Variants in TUSC3 observed in about 807,000 individuals in gnomAD.
TUSC3 encodes dolichyl-diphosphooligosaccharide--protein glycosyltransferase subunit TUSC3.
TUSC3 carries 45 observed loss-of-function variants against 44.8 expected under a neutral mutation model. The ratio of observed to expected loss-of-function variants is 1.00; its 90% CI spans 0.79 to 1.29. The LOEUF (loss-of-function observed/expected upper bound fraction) is 1.29, where lower values mean the gene tolerates loss of function less well. Ranked by LOEUF, TUSC3 falls within the 50% of genes most tolerant of loss-of-function variation. The pLI is 0.00. For missense variants in TUSC3, 519 were observed against 437.9 expected (o/e 1.19, Z -1.65); for synonymous variants, 212 against 152.9 (o/e 1.39, Z -2.85).
chr8:15,569,653 C>G (rs986163310), intron 1 of TUSC3, among the ~76,000 whole-genome samples: 2 of 152,126 alleles, frequency 1.3e-5, no homozygotes, highest in African/African-American at 4.8e-5. Context: ...CTGGGACTTT[C>G]CCTGGGCTAA....
At chr8:15,642,959 T>C (rs1443726466) in intron 2 of TUSC3, among the ~76,000 whole-genome samples, 1 of 152,208 alleles carries the variant, frequency 6.6e-6, no homozygotes, top group African/African-American at 2.4e-5. Context: ...TCATATGTAG[T>C]AGGTAAATGA....
At chr8:15,719,146 C>G (rs902273223) in intron 6 of TUSC3, among the ~76,000 whole-genome samples, 3 of 152,192 alleles carry the variant, frequency 2.0e-5, no homozygotes, top group Middle Eastern at 3.4e-3. Flanking sequence ...TCATGTCACT[C>G]TTCTTACAGT....
intron 1 of TUSC3, among the ~76,000 whole-genome samples, chr8:15,574,779 C>T (rs1803025999): frequency 6.6e-6 from 1 of 152,038 alleles, no homozygotes; most frequent in Non-Finnish European, 1.5e-5. Flanking sequence ...TTATTTTAAG[C>T]TAGATGTTAC....
At chr8:15,542,306 G>C (rs896286417) in intron 1 of TUSC3, among the ~76,000 whole-genome samples, 5 of 152,204 alleles carry the variant, frequency 3.3e-5, no homozygotes, top group African/African-American at 7.2e-5. Context: ...GAAGCCTCCA[G>C]GTGGCAGACT....
intron 1 of TUSC3, among the ~76,000 whole-genome samples, chr8:15,551,947 C>T (rs984005302): frequency 6.6e-5 from 10 of 151,456 alleles, no homozygotes; most frequent in Admixed American, 5.3e-4. Flanking sequence ...TAGATGATTC[C>T]AGGGAACTTT....
intron 1 of TUSC3, among the ~76,000 whole-genome samples, chr8:15,576,433 T>TA (rs1212023425): frequency 2.0e-5 from 3 of 148,308 alleles, no homozygotes; most frequent in African/African-American, 5.0e-5. Context: ...TAGCATTAGG[T>TA]ATATCTCCCA....
chr8:15,603,261 T>A (rs946395045), intron 1 of TUSC3, among the ~76,000 whole-genome samples: 13 of 151,724 alleles, frequency 8.6e-5, no homozygotes, highest in Non-Finnish European at 3.0e-5. Context: ...AAACAATATA[T>A]GTATAATGTC....
chr8:15,819,447 G>C, the TUSC3 span, among the ~76,000 whole-genome samples: 2 of 151,994 alleles, frequency 1.3e-5, no homozygotes, highest in African/African-American at 2.4e-5. Context: ...CCTCTATGCA[G>C]ATCATTCCTA....
At chr8:15,583,615 T>C (rs185466152) in intron 1 of TUSC3, among the ~76,000 whole-genome samples, 1 of 152,310 alleles carries the variant, frequency 6.6e-6, no homozygotes, top group Non-Finnish European at 1.5e-5. Flanking sequence ...TGAAATATCA[T>C]TGTTTTGAAG....
At chr8:15,446,088 G>A (rs141923264) in intron 1 of TUSC3, among the ~76,000 whole-genome samples, 76,753 of 150,196 alleles carry the variant, frequency 0.51, 23,088 homozygotes, top group East Asian at 0.69. Flanking sequence ...CCTCCCAGAC[G>A]GGGTGGCGGT....
chr8:15,657,064 C>G (rs919006943), intron 3 of TUSC3, among the ~76,000 whole-genome samples: 2 of 152,148 alleles, frequency 1.3e-5, no homozygotes, highest in African/African-American at 4.8e-5. Flanking sequence ...AGGTTTTCCC[C>G]CAAAGAGCTC....
chr8:15,515,861 G>T (rs1483302548), intron 2 of TUSC3, among the ~76,000 whole-genome samples: 1 of 151,868 alleles, frequency 6.6e-6, no homozygotes, highest in Non-Finnish European at 1.5e-5. Context: ...AGTAGAAACG[G>T]AGTTTCACCA....
At chr8:15,575,067 G>A (rs1054667496) in intron 1 of TUSC3, among the ~76,000 whole-genome samples, 6 of 151,880 alleles carry the variant, frequency 4.0e-5, no homozygotes, top group African/African-American at 4.8e-5. Context: ...AAACTTATCC[G>A]TAGCAATTAA....
the TUSC3 span, among the ~76,000 whole-genome samples, chr8:15,777,909 T>A: frequency 1.3e-5 from 2 of 152,078 alleles, no homozygotes; most frequent in Non-Finnish European, 2.9e-5. Flanking sequence ...TTAGTTTAAC[T>A]TCGTTGTAGA....
intron 1 of TUSC3, among the ~76,000 whole-genome samples, chr8:15,566,294 G>A (rs889050406): frequency 2.0e-5 from 3 of 152,108 alleles, no homozygotes; most frequent in Non-Finnish European, 4.4e-5. Flanking sequence ...TATTGTCAGT[G>A]TATGTTCATC....
At chr8:15,763,409 T>C (rs1327540215) in intron 10 of TUSC3, among the ~76,000 whole-genome samples, 2 of 151,796 alleles carry the variant, frequency 1.3e-5, no homozygotes, top group Non-Finnish European at 2.9e-5. Flanking sequence ...TTGTTTTTTG[T>C]TTTCTTTTTT....
At chr8:15,724,040 A>G (rs1476560683) in intron 6 of TUSC3, among the ~76,000 whole-genome samples, 1 of 152,118 alleles carries the variant, frequency 6.6e-6, no homozygotes, top group Non-Finnish European at 1.5e-5. Flanking sequence ...AACTGTAAAT[A>G]AGCTCATGAG....
chr8:15,669,442 G>A (rs1049664208), intron 5 of TUSC3, among the ~76,000 whole-genome samples: 2 of 151,718 alleles, frequency 1.3e-5, no homozygotes, highest in African/African-American at 4.8e-5. Flanking sequence ...TTTAAAAATA[G>A]AAAACTGATA....
At chr8:15,714,097 C>G (rs1236490576) in intron 6 of TUSC3, among the ~76,000 whole-genome samples, 1 of 152,096 alleles carries the variant, frequency 6.6e-6, no homozygotes, top group Non-Finnish European at 1.5e-5. Flanking sequence ...ACATCTACCT[C>G]TTTACTCAGC....
Sources: allele counts gnomAD v4.1 joint callset (sites outside exome capture counted in the v4.1 genomes callset), GRCh38; gene constraint gnomAD v4.1.1; transcripts MANE v1.5; gene names NCBI Gene and HGNC (gene_info 2026-07-23, HGNC 2026-07-21).